The following RBL2 variants were observed in gnomAD, a reference collection of about 807,000 sequenced individuals.
RBL2 encodes the protein RB transcriptional corepressor like 2, also known as retinoblastoma-like protein 2.
RBL2 carries 56 observed loss-of-function variants against 126.0 expected under a neutral mutation model. The observed-to-expected ratio is 0.44, with a 90% CI of 0.36 to 0.56. RBL2 has a LOEUF of 0.56. Ranked by LOEUF, RBL2 falls within the 20% of genes least tolerant of loss-of-function variation. RBL2 has a pLI of 0.00. For synonymous variants in RBL2, 454 were observed against 478.5 expected, an observed-to-expected ratio of 0.95 and a Z score of 0.67; for missense variants, 1,229 against 1,398.2, an observed-to-expected ratio of 0.88 and a Z score of 1.93.
rs775867175 is a variant in RBL2 at position 53,465,485 on chromosome 16, G to A, written c.1746G>A (p.Val582=). The A allele has an allele frequency of 1.9e-6, 3 of 1,589,856 alleles. No individual in the cohort carries two copies. Among genetic ancestry groups the A allele is most frequent in the Non-Finnish European group, 2.6e-6 (3 of 1,168,772 alleles). ...IRAEDGLCRE[V]VKHLNQIEEQ... is the part of the protein sequence containing the mutation. ...CAGAAGATGGCCTTTGTAGAGAGGT[G>A]GTAAAACACCTTAATCAGATTGAAG... The change falls in exon 13 of 22, where the codon GTG becomes GTA. Residue 582 remains valine (V), a synonymous_variant. Transcript: ENST00000262133.
intron 17 of RBL2, among the ~76,000 whole-genome samples, chr16:53,471,397 A>C (rs2058322020): frequency 6.6e-6 from 1 of 152,154 alleles, no homozygotes; most frequent in African/African-American, 2.4e-5. Context: ...CCACTATCTC[A>C]TTAACACTTA....
intron 10 of RBL2, among the ~76,000 whole-genome samples, chr16:53,462,112 T>C (rs943672796): frequency 6.6e-6 from 1 of 152,140 alleles, no homozygotes; most frequent in Non-Finnish European, 1.5e-5. Context: ...AAACTGGAAA[T>C]TAAATAGAAG....
chr16:53,466,911 T>TA, intron 13 of RBL2, 147 bp from the exon 14 acceptor site: 2 of 649,096 alleles, frequency 3.1e-6, no homozygotes, highest in Non-Finnish European at 2.6e-6. Flanking sequence ...GTTTTTTTTT[T>TA]AACTTTATTA....
intron 3 of RBL2, among the ~76,000 whole-genome samples, chr16:53,444,876 C>T (rs1223882632): frequency 3.3e-5 from 5 of 152,074 alleles, no homozygotes; most frequent in African/African-American, 9.7e-5. Context: ...ATGAAGTATT[C>T]TAAAGTTTGA....
chr16:53,470,997 G>A (rs2058318255), intron 17 of RBL2, 75 bp downstream of exon 17: 3 of 1,423,272 alleles, frequency 2.1e-6, no homozygotes, highest in Non-Finnish European at 2.9e-6. Flanking sequence ...ACTGTCTTGA[G>A]ATACAGTTTA....
chr16:53,464,392 G>A (rs760137100), intron 12 of RBL2, 29 bp downstream of exon 12: 4 of 1,525,478 alleles, frequency 2.6e-6, no homozygotes, highest in African/African-American at 1.4e-5. Context: ...TACTAATGGG[G>A]ATATTGTAGA....
intron 2 of RBL2, among the ~76,000 whole-genome samples, chr16:53,439,920 C>T (rs1259573514): frequency 7.0e-6 from 1 of 143,584 alleles, no homozygotes; most frequent in Admixed American, 7.2e-5. Flanking sequence ...CAGCACTGCA[C>T]TCCAGCCTGG....
At chr16:53,445,081 C>G (rs1053887484) in intron 3 of RBL2, among the ~76,000 whole-genome samples, 2 of 152,128 alleles carry the variant, frequency 1.3e-5, no homozygotes, top group African/African-American at 4.8e-5. Context: ...ATCCCCAGCA[C>G]TTTGGGAGGC....
At position 53,462,422 on chromosome 16, in the gene RBL2, A is replaced by G. The variant is rs186695137; in HGVS notation, c.1457-130A>G. The G allele has an allele frequency of 3.4e-4, 181 of 533,442 alleles. No homozygotes were observed. In the African/African-American group the frequency reaches 3.4e-3, roughly 10 times the overall value. 33.0% of individuals were successfully genotyped at this position (533,442 alleles called of 1,614,324 possible). A position where few individuals can be genotyped will look rare whatever the true frequency, so the allele number is the denominator to read the frequency against. On this transcript the variant is annotated intron_variant, in intron 10 of 21. Coordinates refer to ENST00000262133, the MANE Select transcript of RBL2 (RefSeq NM_005611.4). ...CTTAGGGATAATTAAAACACCAATC[A>G]TAAGAAGTGTGCATATCTAAAGTAT...
At chr16:53,479,065 C>A in intron 17 of RBL2, 89 bp from the exon 18 acceptor site, 1 of 994,428 alleles carries the variant, frequency 1.0e-6, no homozygotes, top group South Asian at 1.3e-5. Flanking sequence ...AATTTTCACC[C>A]CTTTTACTGG....
In RBL2 at chr16:53,448,254, T is replaced by G. The variant is rs535651847; in HGVS notation, c.637+1148T>G. On this transcript the variant is annotated intron_variant, in intron 4 of 21. Coordinates refer to ENST00000262133, the MANE Select transcript of RBL2 (RefSeq NM_005611.4). Reference sequence around the variant, plus strand: ...CCCACTGCAACCTCTGCTGCCCGGGTTCAAGCAATCTCCTGCCTCAGCCTC... The same window carrying G: ...CCCACTGCAACCTCTGCTGCCCGGGGTCAAGCAATCTCCTGCCTCAGCCTC... 2.6e-5 allele frequency among the ~76,000 whole-genome samples: 4 copies of G among 151,276 alleles called. No individual in the cohort carries two copies. In the East Asian group the frequency reaches 7.8e-4, roughly 30 times the overall value.
At chr16:53,458,167 A>G (rs1424447312) in intron 8 of RBL2, among the ~76,000 whole-genome samples, 1 of 152,252 alleles carries the variant, frequency 6.6e-6, no homozygotes, top group Non-Finnish European at 1.5e-5. Context: ...TGTATACAGT[A>G]AATTTCTGTG....
Position 53,479,967 on chromosome 16 carries a change from C to T in RBL2, c.2857C>T (p.Pro953Ser). Residue 953 changes from proline (P) to serine (S), a missense_variant, in exon 19 of 22, where the codon CCA (proline) becomes TCA (serine). Around this residue, in one of 2 missense-constraint regions of RBL2, gnomAD observed 1,070 missense variants for 1,274.3 expected, o/e 0.84. Transcript: ENST00000262133. ...TGATAGCAGAAGCCATCAGAATTCT[C>T]CAACAGAACTAAACAAAGATAGAAG... is the stretch of plus-strand genomic sequence containing the variant. ...SSDSRSHQNS[P>S]TELNKDRTSR... The T allele has an allele frequency of 6.2e-7, 1 of 1,606,236 alleles. No homozygotes were observed. The highest frequency in any genetic ancestry group is 8.5e-7 in the Non-Finnish European group (1 of 1,175,314).
intron 21 of RBL2, among the ~76,000 whole-genome samples, chr16:53,484,354 T>C (rs1363452016): frequency 1.3e-5 from 2 of 152,124 alleles, no homozygotes; most frequent in South Asian, 2.1e-4. Flanking sequence ...TACAGGAAAA[T>C]AGCATTTAAA....
intron 21 of RBL2, chr16:53,489,075 AT>A (rs1440399349): frequency 7.3e-4 from 106 of 145,740 alleles, no homozygotes; most frequent in Non-Finnish European, 1.1e-3. Flanking sequence ...AAAAAAAAAA[AT>A]GAAAAACACT....
intron 13 of RBL2, among the ~76,000 whole-genome samples, chr16:53,466,375 T>C (rs2058272381): frequency 6.6e-6 from 1 of 152,110 alleles, no homozygotes; most frequent in African/African-American, 2.4e-5. Flanking sequence ...TTGGGATGAT[T>C]CAACTGCCTT....
rs1392128339 is a variant in RBL2, at chr16:53,449,719, G to A, written c.638-1984G>A. 2.0e-5 allele frequency: 3 copies of A among 151,886 alleles called. No individual in the cohort carries two copies. In the East Asian group the frequency reaches 5.8e-4, roughly 29 times the overall value. The allele number at this position is 151,886 out of a possible 1,614,324, so 9.4% of individuals were successfully genotyped here. On this transcript the variant is annotated intron_variant, in intron 4 of 21. Transcript: ENST00000262133. Reference sequence around the variant, plus strand: ...GTTCTCATTTATTTGGGGGAAAGGTGTACTCTTTTATAGCCACCTTTCTAA... The same window carrying A: ...GTTCTCATTTATTTGGGGGAAAGGTATACTCTTTTATAGCCACCTTTCTAA...
intron 19 of RBL2, 86 bp from the exon 20 acceptor site, chr16:53,480,481 C>A: frequency 9.0e-7 from 1 of 1,115,550 alleles, no homozygotes; most frequent in Non-Finnish European, 1.3e-6. Flanking sequence ...GTGCAGGTAG[C>A]TGTTCCCTTT....
intron 17 of RBL2, among the ~76,000 whole-genome samples, chr16:53,472,139 C>T (rs911214643): frequency 1.3e-5 from 2 of 152,090 alleles, no homozygotes; most frequent in Admixed American, 6.6e-5. Context: ...TATGGATAGG[C>T]ACAATTTTTT....
Sources: gnomAD v4.1 joint callset for allele counts (sites outside exome capture counted in the v4.1 genomes callset) on GRCh38, gnomAD v4.1.1 for gene constraint, gnomAD v4.1.1 regional missense constraint, MANE v1.5 for transcripts, NCBI Gene and HGNC (gene_info 2026-07-23, HGNC 2026-07-21) for gene names.